Variants in ARHGAP42 observed in about 807,000 individuals in gnomAD.
ARHGAP42 encodes the protein rho GTPase-activating protein 42.
In ARHGAP42, 63 loss-of-function variants were observed where a neutral mutation model predicts 125.0. The observed-to-expected ratio is 0.50, with a 90% confidence interval of 0.41 to 0.62. The LOEUF (loss-of-function observed/expected upper bound fraction) is 0.62, where lower values mean the gene tolerates loss of function less well. Among genes scored for constraint, ARHGAP42 ranks in the 20% least tolerant of loss-of-function variants. The pLI, the probability that ARHGAP42 is intolerant of heterozygous loss-of-function variation, is 0.00. For synonymous variants in ARHGAP42, 339 were observed against 351.0 expected, an observed-to-expected ratio of 0.97 and a Z score of 0.38; for missense variants, 766 against 1,024.2, an observed-to-expected ratio of 0.75 and a Z score of 3.44.
intron 19 of ARHGAP42, 79 bp from the exon 20 acceptor site, chr11:100,975,978 G>T: frequency 7.0e-7 from 1 of 1,420,142 alleles, no homozygotes; most frequent in Non-Finnish European, 9.3e-7. Context: ...TGGTAAGTTG[G>T]AGAACAGAAG....
intron 12 of ARHGAP42, among the ~76,000 whole-genome samples, chr11:100,951,876 C>T (rs1857662312): frequency 6.6e-6 from 1 of 152,126 alleles, no homozygotes; most frequent in Admixed American, 6.6e-5. Context: ...CTACCCAGTA[C>T]TCTGAGCTCC....
intron 17 of ARHGAP42, among the ~76,000 whole-genome samples, chr11:100,969,888 T>A (rs1858194074): frequency 6.6e-6 from 1 of 152,182 alleles, no homozygotes; most frequent in South Asian, 2.1e-4. Context: ...GTCATACTTT[T>A]TGGTTGAAGA....
At chr11:100,856,788 A>G (rs1216561388) in intron 3 of ARHGAP42, among the ~76,000 whole-genome samples, 1 of 152,084 alleles carries the variant, frequency 6.6e-6, no homozygotes. Flanking sequence ...ACATTCAATT[A>G]ATTCTTTGAG....
intron 1 of ARHGAP42, among the ~76,000 whole-genome samples, chr11:100,769,712 CTTTT>C (rs140626690): frequency 0.099 from 7,702 of 77,706 alleles, 202 homozygotes; most frequent in East Asian, 0.19. Flanking sequence ...AGCATTCCTT[CTTTT>C]TTTTTTTTTT....
intron 4 of ARHGAP42, among the ~76,000 whole-genome samples, chr11:100,911,931 A>G (rs1166108629): frequency 6.6e-6 from 1 of 152,126 alleles, no homozygotes; most frequent in African/African-American, 2.4e-5. Context: ...AGATGGTAAT[A>G]TTTTAATGTA....
chr11:100,804,109 A>T (rs1484408476), intron 3 of ARHGAP42, among the ~76,000 whole-genome samples: 3 of 152,318 alleles, frequency 2.0e-5, no homozygotes, highest in African/African-American at 7.2e-5. Flanking sequence ...AGCTAGGACT[A>T]TAGGCACATG....
chr11:100,722,123 T>G (rs997846507), intron 1 of ARHGAP42, among the ~76,000 whole-genome samples: 9 of 152,174 alleles, frequency 5.9e-5, no homozygotes. Flanking sequence ...GTCAGTGTTT[T>G]GGATTTTAGT....
chr11:100,859,682 A>G (rs1330857220), intron 4 of ARHGAP42, 57 bp downstream of exon 4: 2 of 1,293,364 alleles, frequency 1.5e-6, no homozygotes, highest in Non-Finnish European at 2.1e-6. Flanking sequence ...AAGATGACAT[A>G]ATTTCAGATG....
intron 1 of ARHGAP42, among the ~76,000 whole-genome samples, chr11:100,725,319 C>CCT (rs1861835724): frequency 1.3e-5 from 2 of 151,722 alleles, no homozygotes; most frequent in Non-Finnish European, 2.9e-5. Flanking sequence ...TACAGGCGCA[C>CCT]ACCACCACGC....
At chr11:100,924,154 C>T (rs1334308818) in intron 6 of ARHGAP42, among the ~76,000 whole-genome samples, 2 of 151,966 alleles carry the variant, frequency 1.3e-5, no homozygotes, top group Non-Finnish European at 2.9e-5. Context: ...ATTATTTTAA[C>T]AAATAAGCAT....
At chr11:100,740,668 C>T (rs563485515) in intron 1 of ARHGAP42, among the ~76,000 whole-genome samples, 1 of 152,232 alleles carries the variant, frequency 6.6e-6, no homozygotes, top group East Asian at 1.9e-4. Flanking sequence ...GGGGATGGTG[C>T]CAGCAGTTGC....
intron 2 of ARHGAP42, among the ~76,000 whole-genome samples, chr11:100,771,633 C>G (rs1029400679): frequency 2.6e-5 from 4 of 151,604 alleles, no homozygotes; most frequent in African/African-American, 9.7e-5. Context: ...GAGTCTTGCT[C>G]TGTCGCCCAG....
intron 6 of ARHGAP42, among the ~76,000 whole-genome samples, chr11:100,924,681 GAAAT>G (rs1389583648): frequency 7.3e-5 from 11 of 151,518 alleles, no homozygotes; most frequent in African/African-American, 2.2e-4. Context: ...AATAAATAAG[GAAAT>G]AAATAAATAA....
intron 6 of ARHGAP42, among the ~76,000 whole-genome samples, chr11:100,923,087 G>T (rs1224911365): frequency 5.9e-5 from 9 of 152,088 alleles, no homozygotes; most frequent in Admixed American, 6.6e-5. Flanking sequence ...CTCATCTGGG[G>T]CTCATGGACA....
chr11:100,753,713 A>G (rs543483332), intron 1 of ARHGAP42, among the ~76,000 whole-genome samples: 7 of 152,236 alleles, frequency 4.6e-5, no homozygotes, highest in South Asian at 2.1e-4. Flanking sequence ...TGCTGTTCCT[A>G]CTTTTACATG....
At chr11:100,725,105 G>A (rs1861831779) in intron 1 of ARHGAP42, among the ~76,000 whole-genome samples, 1 of 151,068 alleles carries the variant, frequency 6.6e-6, no homozygotes, top group African/African-American at 2.4e-5. Context: ...TAATCTCCTG[G>A]TGTTTTTGGA....
chr11:100,954,421 T>C (rs1857748803), intron 12 of ARHGAP42, among the ~76,000 whole-genome samples: 3 of 152,178 alleles, frequency 2.0e-5, no homozygotes, highest in South Asian at 2.1e-4. Flanking sequence ...ATTGAAGGGA[T>C]TGGAACAGAA....
rs187062538 is a variant in ARHGAP42 at position 100,762,950 on chromosome 11, C to G, written c.155-7393C>G. 2.9e-5 allele frequency among the ~76,000 whole-genome samples: 4 copies of G among 135,848 alleles called. No individual in the cohort carries two copies. The East Asian group carries it at 8.4e-4, about 28-fold the overall frequency. The allele number at this position is 135,848 out of a possible 152,430, so 89.1% of individuals were successfully genotyped here. A position where few individuals can be genotyped will look rare whatever the true frequency, so the allele number is the denominator to read the frequency against. On this transcript the variant is annotated intron_variant, in intron 1 of 23. Transcript: ENST00000298815. ...TTGTGTGCATTTTTAGTACCACGAG[C>G]TTTTCAGTAGTTTATAGTGATTTTT...
chr11:100,779,518 A>ATACATATACATG lies in ARHGAP42; in HGVS notation c.250+9080_250+9081insTACATATACATG, dbSNP rs1484332600. ...CACACATATATACACGTATATATAT[A>ATACATATACATG]CGTATACATGCGTATATATACGTAT... On this transcript the variant is annotated intron_variant, in intron 2 of 23. Transcript: ENST00000298815. Among the ~76,000 whole-genome samples, 474 of 142,664 alleles carry ATACATATACATG rather than the reference A, an allele frequency of 3.3e-3. 33 individuals carry two copies. The highest frequency in any genetic ancestry group is 0.012 in the African/African-American group (450 of 38,930). The allele number at this position is 142,664 out of a possible 152,430, so 93.6% of individuals were successfully genotyped here.
Sources: gnomAD v4.1 joint callset for allele counts (sites outside exome capture counted in the v4.1 genomes callset) on GRCh38, gnomAD v4.1.1 for gene constraint, MANE v1.5 for transcripts, NCBI Gene and HGNC (gene_info 2026-07-23, HGNC 2026-07-21) for gene names.